The following SLCO3A1 variants were observed in gnomAD, a reference collection of about 807,000 sequenced individuals.
SLCO3A1 encodes the protein PGE1 transporter.
A neutral mutation model predicts 63.1 loss-of-function variants in SLCO3A1; 27 were observed. The observed-to-expected ratio is 0.43, with a 90% CI of 0.32 to 0.59. The LOEUF is 0.59. Ranked by LOEUF, SLCO3A1 falls within the 20% of genes least tolerant of loss-of-function variation. SLCO3A1 has a pLI of 0.09. For missense variants in SLCO3A1, 773 were observed against 945.8 expected, an observed-to-expected ratio of 0.82 and a Z score of 2.40; for synonymous variants, 473 against 409.9, an observed-to-expected ratio of 1.15 and a Z score of -1.86.
intron 1 of SLCO3A1, among the ~76,000 whole-genome samples, chr15:91,878,164 C>G (rs1223338087): frequency 4.1e-5 from 6 of 147,458 alleles, no homozygotes; most frequent in Non-Finnish European, 7.4e-5. Context: ...CAACTCACTG[C>G]AACCTCTGCC....
At chr15:92,073,610 A>G (rs2047241811) in intron 2 of SLCO3A1, among the ~76,000 whole-genome samples, 1 of 152,226 alleles carries the variant, frequency 6.6e-6, no homozygotes, top group African/African-American at 2.4e-5. Context: ...ACTGTGTGCC[A>G]AGCAAGGCTT....
intron 2 of SLCO3A1, among the ~76,000 whole-genome samples, chr15:91,971,292 G>T (rs1256178288): frequency 6.6e-6 from 1 of 150,832 alleles, no homozygotes; most frequent in Admixed American, 6.6e-5. Flanking sequence ...CTACTCGGGA[G>T]GCTGAGGCAG....
chr15:91,917,733 G>T (rs1333700529), intron 2 of SLCO3A1, among the ~76,000 whole-genome samples: 1 of 152,172 alleles, frequency 6.6e-6, no homozygotes, highest in African/African-American at 2.4e-5. Context: ...TGGAGGAAGG[G>T]AAACTAAGGT....
At chr15:92,131,046 A>G (rs771019778) in intron 7 of SLCO3A1, among the ~76,000 whole-genome samples, 7 of 151,814 alleles carry the variant, frequency 4.6e-5, no homozygotes, top group Non-Finnish European at 7.4e-5. Flanking sequence ...CCCTGTGTAT[A>G]TTATCTCATT....
rs2048474657 is a variant in SLCO3A1 at position 92,164,274 on chromosome 15, A to T, written c.*1139A>T. On this transcript the variant is annotated 3_prime_UTR_variant, in exon 10 of 10. Transcript: ENST00000318445. The stretch of plus-strand genomic sequence containing the variant: ...TTTTCATCATTTTATCCTCATTCGA[A>T]TATTCTACAAAAACAAGAATATACA... 1.0e-6 allele frequency: 1 copy of T among 984,018 alleles called. No individual in the cohort carries two copies. Among genetic ancestry groups the T allele is most frequent in the African/African-American group, 1.7e-5 (1 of 57,190 alleles). The allele number at this position is 984,018 out of a possible 1,614,324, so 61.0% of individuals were successfully genotyped here. A position where few individuals can be genotyped will look rare whatever the true frequency, so the allele number is the denominator to read the frequency against.
At chr15:92,157,246 G>A (rs2048382362) in intron 9 of SLCO3A1, 2 of 152,078 alleles carry the variant, frequency 1.3e-5, no homozygotes, top group Admixed American at 1.3e-4. Context: ...GAGGACCTAG[G>A]GAGAAGACAA....
intron 2 of SLCO3A1, among the ~76,000 whole-genome samples, chr15:91,918,510 G>A (rs965853083): frequency 4.6e-5 from 7 of 152,110 alleles, no homozygotes; most frequent in South Asian, 2.1e-4. Context: ...TGTGTTTATC[G>A]GGATCAGGAG....
intron 7 of SLCO3A1, among the ~76,000 whole-genome samples, chr15:92,136,614 G>A (rs570649360): frequency 1.9e-4 from 29 of 152,118 alleles, no homozygotes; most frequent in Non-Finnish European, 4.0e-4. Context: ...TCAGTGATGT[G>A]CTATTCTTTC....
chr15:92,000,535 T>C (rs1276493572), intron 2 of SLCO3A1, among the ~76,000 whole-genome samples: 1 of 127,418 alleles, frequency 7.8e-6, no homozygotes, highest in Non-Finnish European at 1.7e-5. Context: ...TGCTGTTGAA[T>C]GCAGAAAAAA....
intron 5 of SLCO3A1, among the ~76,000 whole-genome samples, chr15:92,121,598 A>C (rs972603735): frequency 2.6e-5 from 4 of 152,174 alleles, no homozygotes; most frequent in African/African-American, 9.7e-5. Context: ...AATCGATATT[A>C]TATGTAGTAG....
rs1487882338 is a variant in SLCO3A1 at position 91,954,790 on chromosome 15, C to T, written c.646+38332C>T. 6.6e-6 allele frequency among the ~76,000 whole-genome samples: 1 copy of T among 152,052 alleles called. No homozygotes were observed. The highest frequency in any genetic ancestry group is 1.5e-5 in the Non-Finnish European group (1 of 68,016). ...CCTTCCTTCTCCAACAGCAAGGATC[C>T]GAGGGGAAGGAGTCCATCACTGGCC... On this transcript the variant is annotated intron_variant, in intron 2 of 9. Transcript: ENST00000318445. The surrounding 1 kb of genome is among the most constrained non-coding windows in gnomAD (Gnocchi z 4.7).
intron 1 of SLCO3A1, among the ~76,000 whole-genome samples, chr15:91,890,147 A>G (rs1032337128): frequency 1.3e-5 from 2 of 152,190 alleles, no homozygotes; most frequent in Admixed American, 1.3e-4. Flanking sequence ...CTCAGTAGTT[A>G]TTTCCCCTCA....
intron 2 of SLCO3A1, among the ~76,000 whole-genome samples, chr15:92,024,494 A>G (rs1231208107): frequency 6.6e-6 from 1 of 152,206 alleles, no homozygotes; most frequent in Admixed American, 6.5e-5. Flanking sequence ...AATTTATGCT[A>G]CCATGTATTG....
intron 1 of SLCO3A1, among the ~76,000 whole-genome samples, chr15:91,869,670 G>T (rs908755808): frequency 6.6e-6 from 1 of 152,040 alleles, no homozygotes; most frequent in South Asian, 2.1e-4. Context: ...CTGCACTCCA[G>T]CCTGAGTGAC....
intron 2 of SLCO3A1, among the ~76,000 whole-genome samples, chr15:91,970,233 A>G (rs745998055): frequency 8.2e-4 from 125 of 152,334 alleles, no homozygotes; most frequent in Non-Finnish European, 1.4e-3. Flanking sequence ...CTGAACTAAT[A>G]TTTTAGTGTA....
chr15:91,919,389 A>G (rs1239245131), intron 2 of SLCO3A1, among the ~76,000 whole-genome samples: 1 of 152,180 alleles, frequency 6.6e-6, no homozygotes, highest in Non-Finnish European at 1.5e-5. Flanking sequence ...GCTCATTACC[A>G]GGGGACAAAA....
rs59642136 is a variant in SLCO3A1 at position 91,929,093 on chromosome 15, C to G, written c.646+12635C>G. Among the ~76,000 whole-genome samples the G allele has an allele frequency of 2.6e-3, 395 of 152,238 alleles. 13 individuals carry two copies. The East Asian group carries it at 0.058, about 22-fold the overall frequency. On this transcript the variant is annotated intron_variant, in intron 2 of 9. Transcript: ENST00000318445. ...ACAAGAAGTAGAGATAATGTAATCC[C>G]CAAGACCTTTCCTCATGGGGAAATA...
rs1355194692 is a variant in SLCO3A1 at position 92,094,868 on chromosome 15, CATCTT to C, written c.647-12_647-8del. The C allele has an allele frequency of 1.9e-6, 3 of 1,584,664 alleles. No homozygotes were observed. Among genetic ancestry groups the C allele is most frequent in the Non-Finnish European group, 2.6e-6 (3 of 1,155,370 alleles). On this transcript the variant is annotated splice_region_variant and splice_polypyrimidine_tract_variant and intron_variant, in intron 2 of 9. Coordinates refer to ENST00000318445, the MANE Select transcript of SLCO3A1 (RefSeq NM_013272.4). ...CTGTTTTGTAATCTATTTTTTTCTT[CATCTT>C]CCTTCAGGAATCCTGTTCACGATGC...
intron 2 of SLCO3A1, among the ~76,000 whole-genome samples, chr15:92,042,248 G>A (rs8030627): frequency 0.71 from 108,617 of 152,076 alleles, 40,190 homozygotes; most frequent in Admixed American, 0.86. Flanking sequence ...AGTGTCAGAA[G>A]TGTGCCAGGC....
Sources: gnomAD v4.1 joint callset for allele counts (sites outside exome capture counted in the v4.1 genomes callset) on GRCh38, gnomAD v4.1.1 for gene constraint, Gnocchi (gnomAD v3.1) non-coding constraint, MANE v1.5 for transcripts, NCBI Gene and HGNC (gene_info 2026-07-23, HGNC 2026-07-21) for gene names.